The following PGPEP1L variants were observed in gnomAD, a reference collection of about 807,000 sequenced individuals.
PGPEP1L encodes the protein pyroglutamyl-peptidase I like, also known as pyroglutamyl-peptidase 1-like protein.
In PGPEP1L, 7 loss-of-function variants were observed where a neutral mutation model predicts 6.0. That is an observed-to-expected ratio of 1.17 (90% CI 0.66 to 2.19). The LOEUF is 2.19. Among genes scored for constraint, PGPEP1L ranks in the 30% most tolerant of loss-of-function variants. The pLI is 0.00. For missense variants in PGPEP1L, 209 were observed against 192.5 expected (o/e 1.09, Z -0.51); for synonymous variants, 103 against 83.9 (o/e 1.23, Z -1.24).
At chr15:98,971,430 G>A (rs1567234193) in intron 2 of PGPEP1L, among the ~76,000 whole-genome samples, 1 of 152,040 alleles carries the variant, frequency 6.6e-6, no homozygotes, top group African/African-American at 2.4e-5. Flanking sequence ...GGAGGTGGAG[G>A]TTGCAGTGAG....
chr15:98,997,799 G>A (rs1369938757), intron 2 of PGPEP1L, among the ~76,000 whole-genome samples: 1 of 152,046 alleles, frequency 6.6e-6, no homozygotes, highest in Non-Finnish European at 1.5e-5. Context: ...GGGCCCCATA[G>A]CCAGAAGGGA....
At chr15:98,979,156 A>G (rs535670897) in intron 2 of PGPEP1L, among the ~76,000 whole-genome samples, 15 of 152,274 alleles carry the variant, frequency 9.9e-5, no homozygotes, top group African/African-American at 2.9e-4. Context: ...CCATGCTGAC[A>G]GAGTGCGTAA....
intron 2 of PGPEP1L, among the ~76,000 whole-genome samples, chr15:98,982,583 C>T (rs1175628952): frequency 1.3e-5 from 2 of 151,544 alleles, no homozygotes; most frequent in South Asian, 2.1e-4. Context: ...CCCACTGAAG[C>T]GGGTGCCCAG....
chr15:98,986,742 G>A (rs782533175), intron 2 of PGPEP1L, among the ~76,000 whole-genome samples: 3 of 152,198 alleles, frequency 2.0e-5, no homozygotes, highest in Non-Finnish European at 2.9e-5. Flanking sequence ...CGGGGTCTGT[G>A]CTAACTCCAG....
At chr15:98,969,394 T>C (rs759342939) in intron 4 of PGPEP1L, 31 bp downstream of exon 4, 1 of 1,612,370 alleles carries the variant, frequency 6.2e-7, no homozygotes, top group South Asian at 1.1e-5. Context: ...CTCTCCTACC[T>C]GCTCAGAGTC....
intron 3 of PGPEP1L, 82 bp downstream of exon 3, chr15:98,970,954 C>G: frequency 1.3e-6 from 2 of 1,578,718 alleles, no homozygotes; most frequent in Admixed American, 1.7e-5. Flanking sequence ...AACCATCAAC[C>G]CTAGAACCAG....
At chr15:98,978,086 C>A (rs2017595552) in intron 2 of PGPEP1L, among the ~76,000 whole-genome samples, 2 of 152,344 alleles carry the variant, frequency 1.3e-5, no homozygotes, top group African/African-American at 4.8e-5. Context: ...GGCTCCCCAA[C>A]CATTTCCCCA....
rs1435862504 is a variant in PGPEP1L at position 99,007,635 on chromosome 15, T to A, written c.-646A>T. On this transcript the variant is annotated 5_prime_UTR_variant, in exon 1 of 5. Transcript: ENST00000535714. Reference sequence around the variant, plus strand: ...TTCGTTTCTCCCGGTGGGTCCGTGATGTGGCTGGCTTTAAGAACGAAGCTG... The same window carrying A: ...TTCGTTTCTCCCGGTGGGTCCGTGAAGTGGCTGGCTTTAAGAACGAAGCTG... 1 of 152,144 alleles carries A rather than the reference T, an allele frequency of 6.6e-6. No individual in the cohort carries two copies. Among genetic ancestry groups the A allele is most frequent in the Non-Finnish European group, 1.5e-5 (1 of 68,104 alleles). 9.4% of individuals were successfully genotyped at this position (152,144 alleles called of 1,614,324 possible). A position where few individuals can be genotyped will look rare whatever the true frequency, so the allele number is the denominator to read the frequency against.
At chr15:98,994,270 A>C (rs529564843) in intron 2 of PGPEP1L, among the ~76,000 whole-genome samples, 2 of 152,280 alleles carry the variant, frequency 1.3e-5, no homozygotes, top group Admixed American at 1.3e-4. Context: ...TGTCTCAAAA[A>C]ACAAAAACCT....
chr15:99,000,231 G>A (rs1310970052), intron 2 of PGPEP1L, among the ~76,000 whole-genome samples: 3 of 152,234 alleles, frequency 2.0e-5, no homozygotes, highest in Non-Finnish European at 4.4e-5. Context: ...CTGGGCCTTA[G>A]CTGCCTTCCT....
chr15:98,978,128 C>T (rs1055525449), intron 2 of PGPEP1L, among the ~76,000 whole-genome samples: 2 of 152,218 alleles, frequency 1.3e-5, no homozygotes. Context: ...GAAATTTCAC[C>T]TCCAGAGATC....
chr15:98,978,730 T>A lies in PGPEP1L; in HGVS notation c.-141-7572A>T, dbSNP rs74689768. ...TGTATATATATATATATATATATTT[T>A]TTTTTTTTTTTTTTTTTTGAGGCAC... On this transcript the variant is annotated intron_variant, in intron 2 of 4. Transcript: ENST00000535714. Among the ~76,000 whole-genome samples, 755 of 42,440 alleles carry A rather than the reference T, an allele frequency of 0.018. 5 individuals carry two copies. The East Asian group carries it at 0.23, about 13-fold the overall frequency. 27.8% of individuals were successfully genotyped at this position (42,440 alleles called of 152,430 possible).
chr15:98,980,628 G>T (rs1425616776), intron 2 of PGPEP1L, among the ~76,000 whole-genome samples: 1 of 151,798 alleles, frequency 6.6e-6, no homozygotes, highest in Non-Finnish European at 1.5e-5. Context: ...ATAGAAGTGG[G>T]GACAAAAAGT....
chr15:98,983,796 AGCATGTAT>A lies in PGPEP1L; in HGVS notation c.-141-12646_-141-12639del, dbSNP rs1402953007. Among the ~76,000 whole-genome samples, 8 of 152,260 alleles carry A rather than the reference AGCATGTAT, an allele frequency of 5.3e-5. No individual in the cohort carries two copies. The East Asian group carries it at 1.5e-3, about 29-fold the overall frequency. On this transcript the variant is annotated intron_variant, in intron 2 of 4. Coordinates refer to ENST00000535714, the MANE Select transcript of PGPEP1L (RefSeq NM_001167902.2). ...CTGCCTCTTTTCCTTGTGAACTTTT[AGCATGTAT>A]AATAATCTGTCTGTATTTTTCTTCT...
At chr15:98,975,446 A>G (rs905995317) in intron 2 of PGPEP1L, among the ~76,000 whole-genome samples, 3 of 152,244 alleles carry the variant, frequency 2.0e-5, no homozygotes. Flanking sequence ...TTTATTGTAC[A>G]TTTCAAAATA....
Position 98,968,386 on chromosome 15 carries a change from CAAGCAATTTTTGAAA to C in PGPEP1L, c.*77_*91del. On this transcript the variant is annotated 3_prime_UTR_variant, in exon 5 of 5. Transcript: ENST00000535714. ...AGAGTTTTCCACCCTCTTTGTCTTA[CAAGCAATTTTTGAAA>C]AAGTTTCTCAATGCACAGTTGAGTG... 1 of 1,307,340 alleles carries C rather than the reference CAAGCAATTTTTGAAA, an allele frequency of 7.6e-7. No homozygotes were observed. The highest frequency in any genetic ancestry group is 2.1e-5 in the Admixed American group (1 of 47,248). The allele number at this position is 1,307,340 out of a possible 1,614,324, so 81.0% of individuals were successfully genotyped here. A position where few individuals can be genotyped will look rare whatever the true frequency, so the allele number is the denominator to read the frequency against.
chr15:98,999,522 A>G (rs1431830140), intron 2 of PGPEP1L, among the ~76,000 whole-genome samples: 1 of 152,150 alleles, frequency 6.6e-6, no homozygotes, highest in Admixed American at 6.5e-5. Flanking sequence ...AAATAGTTTG[A>G]CAATTTTTTT....
At chr15:98,995,798 A>T (rs1394967550) in intron 2 of PGPEP1L, among the ~76,000 whole-genome samples, 1 of 152,176 alleles carries the variant, frequency 6.6e-6, no homozygotes, top group African/African-American at 2.4e-5. Flanking sequence ...CCCCATATTC[A>T]TTAATTGTCA....
At position 98,979,713 on chromosome 15, in the gene PGPEP1L, C is replaced by G. The variant is rs146893884; in HGVS notation, c.-141-8555G>C. On this transcript the variant is annotated intron_variant, in intron 2 of 4. Transcript: ENST00000535714. ...TCACCCAGGCTGGCGTGCCATGGCA[C>G]AATCTTGGCTCACCGCAACTCTGCC... 2.7e-3 allele frequency among the ~76,000 whole-genome samples: 352 copies of G among 130,260 alleles called. 1 individual carries two copies. Among genetic ancestry groups the G allele is most frequent in the Middle Eastern group, 5.2e-3 (1 of 192 alleles). The allele number at this position is 130,260 out of a possible 152,430, so 85.5% of individuals were successfully genotyped here. A position where few individuals can be genotyped will look rare whatever the true frequency, so the allele number is the denominator to read the frequency against.
Sources: gnomAD v4.1 joint callset for allele counts (sites outside exome capture counted in the v4.1 genomes callset) on GRCh38, gnomAD v4.1.1 for gene constraint, MANE v1.5 for transcripts, NCBI Gene and HGNC (gene_info 2026-07-23, HGNC 2026-07-21) for gene names.